The following LEMD3 variants were observed in gnomAD, a reference collection of about 807,000 sequenced individuals.
LEMD3 encodes the protein inner nuclear membrane protein Man1.
A neutral mutation model predicts 95.2 loss-of-function variants in LEMD3; 33 were observed. The ratio of observed to expected loss-of-function variants is 0.35; its 90% CI spans 0.26 to 0.46. LEMD3 has a LOEUF of 0.46. Ranked by LOEUF, LEMD3 falls within the 20% of genes least tolerant of loss-of-function variation. LEMD3 has a pLI of 1.00. For synonymous variants in LEMD3, 525 were observed against 474.6 expected, an observed-to-expected ratio of 1.11 and a Z score of -1.38; for missense variants, 1,210 against 1,192.8, an observed-to-expected ratio of 1.01 and a Z score of -0.21.
At chr12:65,182,111 G>C (rs1868925919) in intron 1 of LEMD3, among the ~76,000 whole-genome samples, 1 of 152,136 alleles carries the variant, frequency 6.6e-6, no homozygotes, top group Admixed American at 6.5e-5. Context: ...ACAGCTACTA[G>C]GTGTTGGAGC....
chr12:65,230,931 G>GTT (rs1171683108), intron 4 of LEMD3, among the ~76,000 whole-genome samples: 1 of 152,074 alleles, frequency 6.6e-6, no homozygotes, highest in African/African-American at 2.4e-5. Flanking sequence ...TACCTAGTTT[G>GTT]TTGAGAGTTA....
chr12:65,178,324 T>C (rs890785463), intron 1 of LEMD3, among the ~76,000 whole-genome samples: 2 of 152,210 alleles, frequency 1.3e-5, no homozygotes, highest in African/African-American at 4.8e-5. Flanking sequence ...TGAAAATGTT[T>C]TTCATTTGAA....
chr12:65,243,287 TA>T, intron 9 of LEMD3, 100 bp from the exon 10 acceptor site: 2 of 768,564 alleles, frequency 2.6e-6, no homozygotes, highest in Non-Finnish European at 4.7e-6. Context: ...TGGCTCCTAG[TA>T]AAAGCATGCA....
chr12:65,223,334 A>T (rs1025012414), intron 4 of LEMD3, among the ~76,000 whole-genome samples: 21 of 126,980 alleles, frequency 1.7e-4, no homozygotes, highest in African/African-American at 5.2e-4. Flanking sequence ...GACAGAGTCT[A>T]GGCCTGTCAC....
chr12:65,208,137 A>C (rs574574539), intron 1 of LEMD3, among the ~76,000 whole-genome samples: 2 of 152,266 alleles, frequency 1.3e-5, no homozygotes, highest in South Asian at 4.1e-4. Flanking sequence ...AGAAGTCAAA[A>C]TATTAAGGAC....
chr12:65,187,349 C>A (rs1869099200), intron 1 of LEMD3, among the ~76,000 whole-genome samples: 1 of 152,094 alleles, frequency 6.6e-6, no homozygotes, highest in East Asian at 1.9e-4. Context: ...CAGGTCTGTG[C>A]TTGTGTGTGT....
At position 65,243,384 on chromosome 12, in the gene LEMD3, G is replaced by T. The variant is rs1411629312; in HGVS notation, c.2306-4G>T. The T allele has an allele frequency of 6.4e-7, 1 of 1,552,872 alleles. No individual in the cohort carries two copies. Among genetic ancestry groups the T allele is most frequent in the South Asian group, 1.1e-5 (1 of 89,836 alleles). ...AAATAGTAAAACTAACTTGTTTTTT[G>T]TAGCATTTCATTTAGATAGAAGAAA... is the stretch of plus-strand genomic sequence containing the variant. On this transcript the variant is annotated splice_polypyrimidine_tract_variant and splice_region_variant and intron_variant, in intron 9 of 12. Transcript: ENST00000308330.
chr12:65,222,400 T>C (rs1870317598), intron 4 of LEMD3, among the ~76,000 whole-genome samples: 1 of 152,166 alleles, frequency 6.6e-6, no homozygotes, highest in Non-Finnish European at 1.5e-5. Flanking sequence ...AATTTTCTTA[T>C]AGTATCATTG....
At chr12:65,180,320 CTA>C (rs1286603587) in intron 1 of LEMD3, among the ~76,000 whole-genome samples, 2 of 150,766 alleles carry the variant, frequency 1.3e-5, no homozygotes, top group East Asian at 3.9e-4. Flanking sequence ...TTTTAATAAT[CTA>C]TGCTTTAAAC....
intron 4 of LEMD3, among the ~76,000 whole-genome samples, chr12:65,226,615 G>A (rs1870455210): frequency 6.6e-6 from 1 of 152,294 alleles, no homozygotes; most frequent in African/African-American, 2.4e-5. Context: ...TTAACTTAAT[G>A]CATGACTTAT....
intron 1 of LEMD3, among the ~76,000 whole-genome samples, chr12:65,173,948 T>C (rs1868634110): frequency 6.6e-6 from 1 of 152,156 alleles, no homozygotes; most frequent in African/African-American, 2.4e-5. Context: ...ACTCCATATA[T>C]ATATACACAC....
At chr12:65,190,202 C>G (rs1418885579) in intron 1 of LEMD3, among the ~76,000 whole-genome samples, 2 of 152,108 alleles carry the variant, frequency 1.3e-5, no homozygotes, top group Non-Finnish European at 2.9e-5. Context: ...AAGTAACTTA[C>G]TGCAAACCAA....
At chr12:65,207,689 G>A (rs931176773) in intron 1 of LEMD3, among the ~76,000 whole-genome samples, 3 of 152,064 alleles carry the variant, frequency 2.0e-5, no homozygotes, top group East Asian at 1.9e-4. Flanking sequence ...CAAAGAAAGC[G>A]TAGGAAAGCA....
At chr12:65,190,215 A>G (rs1869195296) in intron 1 of LEMD3, among the ~76,000 whole-genome samples, 1 of 152,210 alleles carries the variant, frequency 6.6e-6, no homozygotes, top group South Asian at 2.1e-4. Flanking sequence ...CAAACCAAAA[A>G]TAAAATTCGA....
At chr12:65,185,781 C>T (rs924091398) in intron 1 of LEMD3, among the ~76,000 whole-genome samples, 2 of 151,624 alleles carry the variant, frequency 1.3e-5, no homozygotes, top group Non-Finnish European at 2.9e-5. Flanking sequence ...AGCTGGTAAC[C>T]CCTTAATCTC....
intron 4 of LEMD3, among the ~76,000 whole-genome samples, chr12:65,223,781 T>C (rs1323303582): frequency 1.3e-5 from 2 of 151,562 alleles, no homozygotes; most frequent in African/African-American, 4.8e-5. Flanking sequence ...ATATTTTCTC[T>C]CCGTGTTGTA....
intron 1 of LEMD3, among the ~76,000 whole-genome samples, chr12:65,175,370 C>T (rs1294986906): frequency 2.0e-5 from 3 of 152,026 alleles, no homozygotes; most frequent in Admixed American, 2.0e-4. Context: ...CTCTTCTGTG[C>T]TCTTTTCTTC....
chr12:65,245,559 G>A (rs2136358531), intron 10 of LEMD3, 110 bp from the exon 11 acceptor site: 2 of 784,230 alleles, frequency 2.6e-6, no homozygotes, highest in Non-Finnish European at 4.5e-6. Flanking sequence ...AATCGTATGT[G>A]GTTTTAAAAC....
At chr12:65,198,467 T>G (rs1869498169) in intron 1 of LEMD3, among the ~76,000 whole-genome samples, 1 of 151,846 alleles carries the variant, frequency 6.6e-6, no homozygotes, top group African/African-American at 2.4e-5. Flanking sequence ...CTGTTGAAAC[T>G]TCTAAGAGTT....
Sources: allele counts gnomAD v4.1 joint callset (sites outside exome capture counted in the v4.1 genomes callset), GRCh38; gene constraint gnomAD v4.1.1; transcripts MANE v1.5; gene names NCBI Gene and HGNC (gene_info 2026-07-23, HGNC 2026-07-21).